PDE4DIP: variants seen among roughly 807,000 people sequenced by gnomAD.
PDE4DIP encodes myomegalin.
In PDE4DIP, 59 loss-of-function variants were observed where a neutral mutation model predicts 221.4. That is an observed-to-expected ratio of 0.27 (90% CI 0.22 to 0.33). PDE4DIP has a LOEUF of 0.33. Ranked by LOEUF, PDE4DIP falls within the 10% of genes least tolerant of loss-of-function variation. PDE4DIP has a pLI of 1.00. For synonymous variants in PDE4DIP, 404 were observed against 815.9 expected, an observed-to-expected ratio of 0.50 and a Z score of 8.60; for missense variants, 1,036 against 2,154.2, an observed-to-expected ratio of 0.48 and a Z score of 10.28.
exon 44 of PDE4DIP, chr1:149,032,071 G>A (rs1329032065): frequency 6.2e-7 from 1 of 1,608,876 alleles, no homozygotes; most frequent in Non-Finnish European, 8.5e-7. Flanking sequence ...CCCCTTTTGT[G>A]CAGCTACCTA....
chr1:148,953,609 G>T, intron 5 of PDE4DIP: 1 of 1,538,084 alleles, frequency 6.5e-7, no homozygotes, highest in Non-Finnish European at 9.0e-7. Context: ...TTGTTCAGAT[G>T]ATCAGGCTCC....
intron 13 of PDE4DIP, among the ~76,000 whole-genome samples, 160 bp downstream of exon 16, chr1:148,968,065 C>A (rs1323258459): frequency 2.0e-5 from 3 of 150,424 alleles, no homozygotes. Context: ...TTTTTCCCCA[C>A]GTCTAGAAAC....
chr1:149,023,582 CAT>C (rs1473855577), intron 37 of PDE4DIP, among the ~76,000 whole-genome samples: 1 of 144,108 alleles, frequency 6.9e-6, no homozygotes, highest in Non-Finnish European at 1.5e-5. Context: ...TATGTGTGTA[CAT>C]GTCATATATG....
Position 149,023,534 on chromosome 1 carries a change from T to C in PDE4DIP, c.6086-911T>C, listed in dbSNP as rs3010981. Among the ~76,000 whole-genome samples the C allele has an allele frequency of 2.8e-4, 38 of 137,690 alleles. No homozygotes were observed. In the East Asian group the frequency reaches 3.1e-3, roughly 11 times the overall value. The allele number at this position is 137,690 out of a possible 152,430, so 90.3% of individuals were successfully genotyped here. A position where few individuals can be genotyped will look rare whatever the true frequency, so the allele number is the denominator to read the frequency against. On this transcript the variant is annotated intron_variant, in intron 37 of 43. Transcript: ENST00000369354. ...CATGTGGTGAATGGAGGTAAATATA[T>C]ATACATATATATATTTATATATATG...
intron 22 of PDE4DIP, among the ~76,000 whole-genome samples, chr1:148,996,151 A>G (rs1417990077): frequency 1.3e-5 from 2 of 152,146 alleles, no homozygotes; most frequent in Non-Finnish European, 2.9e-5. Context: ...CCAATAGAAC[A>G]AGATAACATA....
chr1:148,980,998 A>C (rs148766871), intron 20 of PDE4DIP, among the ~76,000 whole-genome samples: 309 of 152,324 alleles, frequency 2.0e-3, no homozygotes, highest in South Asian at 6.2e-3. Flanking sequence ...TAGGGGTGTG[A>C]GATAAGTCTT....
rs1553543262 is a variant in PDE4DIP, at chr1:148,981,607, C to T, written c.2815+210C>T. 14 of 564,180 alleles carry T rather than the reference C, an allele frequency of 2.5e-5. No individual in the cohort carries two copies. In the East Asian group the frequency reaches 3.8e-4, roughly 15 times the overall value. 34.9% of individuals were successfully genotyped at this position (564,180 alleles called of 1,614,324 possible). ...GAAACTCACTTTAGCCTACATGGAT[C>T]TCACTGTACATACATATCAATCCCT... On this transcript the variant is annotated intron_variant, in intron 21 of 43. Transcript: ENST00000369354.
intron 41 of PDE4DIP, among the ~76,000 whole-genome samples, 159 bp from the exon 45 acceptor site, chr1:149,029,628 C>T (rs2076126497): frequency 1.3e-5 from 2 of 152,142 alleles, no homozygotes. Context: ...TCATCCTGAA[C>T]TGTCCTCAGC....
intron 3 of PDE4DIP, among the ~76,000 whole-genome samples, chr1:148,869,492 A>G (rs7516133): frequency 0.21 from 11,382 of 53,756 alleles, 173 homozygotes; most frequent in East Asian, 0.4. Flanking sequence ...ACCTCTCTCG[A>G]TATCTAGGAA....
At chr1:148,815,348 A>T (rs1667466478) in intron 1 of PDE4DIP, among the ~76,000 whole-genome samples, 1 of 142,868 alleles carries the variant, frequency 7.0e-6, no homozygotes, top group African/African-American at 2.5e-5. Context: ...CAGGAGACAG[A>T]GACCATCCTG....
At chr1:148,978,353 C>G (rs587663656) in exon 19 of PDE4DIP, 1 of 1,611,666 alleles carries the variant, frequency 6.2e-7, no homozygotes, top group Non-Finnish European at 8.5e-7. Context: ...CTTACTTCTT[C>G]GGGAAAAAGT....
intron 4 of PDE4DIP, among the ~76,000 whole-genome samples, chr1:148,933,615 G>T (rs1553472589): frequency 6.6e-6 from 1 of 152,078 alleles, no homozygotes; most frequent in Non-Finnish European, 1.5e-5. Flanking sequence ...GACTGTGGTG[G>T]TATAAAAAGC....
At chr1:149,019,375 C>T in intron 35 of PDE4DIP, 1 of 141,852 alleles carries the variant, frequency 7.0e-6, no homozygotes, top group African/African-American at 2.6e-5. Flanking sequence ...GGGTAGTATC[C>T]AAAAGGATTA....
chr1:148,946,274 C>T (rs1396521867), intron 5 of PDE4DIP, among the ~76,000 whole-genome samples: 1 of 142,352 alleles, frequency 7.0e-6, no homozygotes, highest in South Asian at 2.4e-4. Flanking sequence ...GAGGGCCAGG[C>T]GCGGTGGCTC....
chr1:148,905,149 C>G (rs1295128687), intron 1 of PDE4DIP, among the ~76,000 whole-genome samples: 1 of 93,870 alleles, frequency 1.1e-5, no homozygotes, highest in Non-Finnish European at 2.2e-5. Flanking sequence ...AGGGTTGTAT[C>G]TTTCCAGGAA....
At chr1:148,980,821 A>T (rs184313289) in intron 20 of PDE4DIP, among the ~76,000 whole-genome samples, 29 of 152,274 alleles carry the variant, frequency 1.9e-4, no homozygotes, top group African/African-American at 5.8e-4. Context: ...CCTTTTCAGC[A>T]CACCATCCCA....
chr1:148,953,162 C>A (rs2054035899), intron 5 of PDE4DIP: 1 of 1,613,980 alleles, frequency 6.2e-7, no homozygotes, highest in African/African-American at 1.3e-5. Context: ...ATACTCTGCA[C>A]TGCTCCAGGA....
At chr1:148,919,086 G>T (rs1553460392) in intron 1 of PDE4DIP, among the ~76,000 whole-genome samples, 3 of 121,308 alleles carry the variant, frequency 2.5e-5, no homozygotes, top group African/African-American at 7.2e-5. Context: ...GGACTTAACT[G>T]CACTAGTAAA....
intron 1 of PDE4DIP, among the ~76,000 whole-genome samples, chr1:148,919,311 G>C (rs1214182209): frequency 6.6e-6 from 1 of 151,652 alleles, no homozygotes; most frequent in Non-Finnish European, 1.5e-5. Flanking sequence ...CAAGTTAATT[G>C]TATAAAAGCA....
Sources: allele counts gnomAD v4.1 joint callset (sites outside exome capture counted in the v4.1 genomes callset), GRCh38; gene constraint gnomAD v4.1.1; transcripts MANE v1.5; gene names NCBI Gene and HGNC (gene_info 2026-07-23, HGNC 2026-07-21).